The following MFF variants were observed in gnomAD, a reference collection of about 807,000 sequenced individuals.
MFF encodes the protein mitochondrial fission factor.
In MFF, 12 loss-of-function variants were observed where a neutral mutation model predicts 36.9. That is an observed-to-expected ratio of 0.33 (90% CI 0.21 to 0.53). MFF has a LOEUF of 0.53. Ranked by LOEUF, MFF falls within the 20% of genes least tolerant of loss-of-function variation. MFF has a pLI of 0.95. For missense variants in MFF, 348 were observed against 366.6 expected (o/e 0.95, Z 0.42); for synonymous variants, 99 against 126.2 (o/e 0.78, Z 1.44).
chr2:227,342,193 A>G (rs1574950555), intron 5 of MFF, among the ~76,000 whole-genome samples: 1 of 152,098 alleles, frequency 6.6e-6, no homozygotes, highest in African/African-American at 2.4e-5. Context: ...TTCACAGTGA[A>G]ACACTTAACA....
chr2:227,325,605 C>T (rs1192611656), intron 1 of MFF, 178 bp downstream of exon 1: 2 of 152,334 alleles, frequency 1.3e-5, no homozygotes, highest in African/African-American at 4.8e-5. Context: ...GGTCTTTCCT[C>T]CTCCCCGGGA....
chr2:227,332,060 C>T (rs1245909487), intron 3 of MFF, among the ~76,000 whole-genome samples: 1 of 145,260 alleles, frequency 6.9e-6, no homozygotes, highest in East Asian at 2.0e-4. Context: ...CAAGCTCCGC[C>T]TCCCGGGTTC....
chr2:227,346,435 T>G (rs1045781042), intron 5 of MFF: 1 of 160,262 alleles, frequency 6.2e-6, no homozygotes, highest in African/African-American at 2.4e-5. Flanking sequence ...TTCATTCAGC[T>G]TTCAGAAAGC....
intron 5 of MFF, 91 bp from the exon 6 acceptor site, chr2:227,347,135 A>G (rs2075756312): frequency 4.4e-6 from 5 of 1,131,734 alleles, no homozygotes; most frequent in Admixed American, 4.0e-5. Flanking sequence ...CAAGAACACT[A>G]AGAAAATTAA....
At chr2:227,344,996 A>G (rs1440238824) in intron 5 of MFF, among the ~76,000 whole-genome samples, 1 of 152,128 alleles carries the variant, frequency 6.6e-6, no homozygotes, top group African/African-American at 2.4e-5. Flanking sequence ...TTCTCATTGT[A>G]TTCCAATTTC....
Position 227,330,678 on chromosome 2 carries a change from A to G in MFF, c.13A>G (p.Ser5Gly). 1 of 1,614,140 alleles carries G rather than the reference A, an allele frequency of 6.2e-7. No individual in the cohort carries two copies. Among genetic ancestry groups the G allele is most frequent in the Non-Finnish European group, 8.5e-7 (1 of 1,179,962 alleles). Residue 5 changes from serine to glycine, a missense_variant, in exon 3 of 9, where the codon AGT (serine) becomes GGT (glycine). Ser to Gly is a moderately conservative substitution (Grantham distance 56, BLOSUM62 0). Transcript: ENST00000304593. ...CACTGCTGCTGAGATGGCAGAAATT[A>G]GTCGAATTCAGTACGAAATGGAATA... MAEI[S>G]RIQYEMEYTE...
At chr2:227,352,644 A>T in intron 7 of MFF, 71 bp downstream of exon 7, 2 of 1,214,528 alleles carry the variant, frequency 1.6e-6, no homozygotes, top group Non-Finnish European at 2.4e-6. Flanking sequence ...GGCATGTTGC[A>T]TGTCGTAGCC....
intron 1 of MFF, among the ~76,000 whole-genome samples, chr2:227,327,780 G>A (rs541214094): frequency 1.3e-5 from 2 of 152,292 alleles, no homozygotes; most frequent in South Asian, 2.1e-4. Context: ...CTTGGTTCTC[G>A]TTTATTATTA....
intron 4 of MFF, among the ~76,000 whole-genome samples, chr2:227,339,893 G>T (rs1261975870): frequency 2.0e-5 from 3 of 152,092 alleles, no homozygotes; most frequent in African/African-American, 4.8e-5. Context: ...AGCCAGGAAG[G>T]TTTATTTATA....
At position 227,357,103 on chromosome 2, in the gene MFF, T is replaced by C. The variant is rs2076297956; in HGVS notation, c.862T>C (p.Trp288Arg). The C allele has an allele frequency of 6.2e-7, 1 of 1,612,072 alleles. No homozygotes were observed. The highest frequency in any genetic ancestry group is 8.5e-7 in the Non-Finnish European group (1 of 1,179,922). Residue 288 changes from tryptophan to arginine, a missense_variant, in exon 9 of 9, where the codon TGG becomes CGG. Trp to Arg is a moderately radical substitution (Grantham distance 101, BLOSUM62 -3). Coordinates refer to ENST00000304593, the MANE Select transcript of MFF (RefSeq NM_001277062.2). The stretch of plus-strand genomic sequence containing the variant: ...TTTCTGGCTGCTTAATAGCTGGCTC[T>C]GGTTTCGCCGCTAGAGGTAACATCA... ...VAFWLLNSWL[W>R]FRR
At chr2:227,352,064 G>A (rs2076024389) in intron 6 of MFF, 1 of 153,020 alleles carries the variant, frequency 6.5e-6, no homozygotes, top group Admixed American at 6.5e-5. Context: ...TATGAATACG[G>A]TTTTTGAGAT....
At position 227,330,708 on chromosome 2, in the gene MFF, G is replaced by A; in HGVS notation, c.43G>A (p.Glu15Lys). ...AATTCAGTACGAAATGGAATATACT[G>A]AAGGCATTAGTCAGCGAATGAGGGT... Reference protein sequence around the residue: ...SRIQYEMEYTEGISQRMRVPE... With the variant: ...SRIQYEMEYTKGISQRMRVPE... The change falls in exon 3 of 9, where the codon GAA (glutamate) becomes AAA (lysine). Residue 15 changes from glutamate to lysine, a missense_variant. By Grantham distance (56) the Glu-to-Lys change is moderately conservative. Transcript: ENST00000304593. 1 of 1,614,174 alleles carries A rather than the reference G, an allele frequency of 6.2e-7. No individual in the cohort carries two copies. Among genetic ancestry groups the A allele is most frequent in the Non-Finnish European group, 8.5e-7 (1 of 1,180,016 alleles).
At position 227,339,758 on chromosome 2, in the gene MFF, T is replaced by A. The variant is rs183898345; in HGVS notation, c.352-534T>A. 1.0e-3 allele frequency among the ~76,000 whole-genome samples: 156 copies of A among 152,322 alleles called. 2 individuals are homozygous for A. Among genetic ancestry groups the A allele is most frequent in the Middle Eastern group, 0.01 (3 of 294 alleles). On this transcript the variant is annotated intron_variant, in intron 4 of 8. Transcript: ENST00000304593. Reference sequence around the variant, plus strand: ...TAATGAAGAAGGTCAAAGATACATTTCATAAGAAGAGCATGTGGGATTAGA... The same window carrying A: ...TAATGAAGAAGGTCAAAGATACATTACATAAGAAGAGCATGTGGGATTAGA...
chr2:227,347,552 A>T (rs955989419), intron 6 of MFF, among the ~76,000 whole-genome samples, 168 bp downstream of exon 6: 1 of 152,200 alleles, frequency 6.6e-6, no homozygotes, highest in African/African-American at 2.4e-5. Context: ...TTATTGTCCA[A>T]AATTCACATT....
chr2:227,332,755 A>G (rs2106356895), intron 4 of MFF, among the ~76,000 whole-genome samples, 167 bp downstream of exon 4: 1 of 152,338 alleles, frequency 6.6e-6, no homozygotes. Context: ...TTATTATGCT[A>G]TTTTTAAAAT....
intron 5 of MFF, among the ~76,000 whole-genome samples, chr2:227,341,724 C>T (rs2075403301): frequency 1.3e-5 from 2 of 152,036 alleles, no homozygotes; most frequent in Admixed American, 6.6e-5. Flanking sequence ...ATTAAACATA[C>T]ACTCAAGAGC....
chr2:227,330,928 G>A, intron 3 of MFF, 82 bp downstream of exon 3: 3 of 1,161,960 alleles, frequency 2.6e-6, no homozygotes, highest in Non-Finnish European at 3.7e-6. Context: ...TTTTCTAAAT[G>A]TTATTTAGAA....
chr2:227,335,539 A>G (rs1050092444), intron 4 of MFF, among the ~76,000 whole-genome samples: 1 of 152,254 alleles, frequency 6.6e-6, no homozygotes, highest in Non-Finnish European at 1.5e-5. Flanking sequence ...AAAAGAAAAT[A>G]CCTCCAGACA....
intron 4 of MFF, among the ~76,000 whole-genome samples, chr2:227,337,358 C>G (rs980154028): frequency 1.3e-5 from 2 of 152,214 alleles, no homozygotes; most frequent in African/African-American, 4.8e-5. Context: ...GTTCAGTCTA[C>G]ATTGATAATT....
Sources: allele counts gnomAD v4.1 joint callset (sites outside exome capture counted in the v4.1 genomes callset), GRCh38; gene constraint gnomAD v4.1.1; transcripts MANE v1.5; gene names NCBI Gene and HGNC (gene_info 2026-07-23, HGNC 2026-07-21).